The following LIMS1 variants were observed in gnomAD, a reference collection of about 807,000 sequenced individuals.
LIMS1 encodes the protein LIM zinc finger domain containing 1.
LIMS1 carries 18 observed loss-of-function variants against 44.1 expected under a neutral mutation model. That is an observed-to-expected ratio of 0.41 (90% CI 0.28 to 0.61). The LOEUF is 0.61. Ranked by LOEUF, LIMS1 falls within the 20% of genes least tolerant of loss-of-function variation. LIMS1 has a pLI of 0.32. For synonymous variants in LIMS1, 93 were observed against 149.1 expected (o/e 0.62, Z 2.74); for missense variants, 201 against 422.0 (o/e 0.48, Z 4.59).
At chr2:108,552,264 G>A (rs961346305) in intron 1 of LIMS1, among the ~76,000 whole-genome samples, 8 of 132,782 alleles carry the variant, frequency 6.0e-5, no homozygotes, top group South Asian at 2.3e-4. Flanking sequence ...TATACTACAC[G>A]TATAGTATAT....
intron 1 of LIMS1, among the ~76,000 whole-genome samples, chr2:108,611,909 A>G (rs1019975441): frequency 2.1e-4 from 31 of 145,302 alleles, no homozygotes; most frequent in Admixed American, 1.0e-3. Flanking sequence ...TATAAAATAT[A>G]CACACATATA....
intron 1 of LIMS1, among the ~76,000 whole-genome samples, chr2:108,586,912 T>A (rs192173268): frequency 1.2e-4 from 19 of 152,324 alleles, no homozygotes; most frequent in Admixed American, 3.3e-4. Flanking sequence ...CCAGCTTCCA[T>A]CTGCCTTCCA....
chr2:108,635,812 T>C (rs1689209225), intron 1 of LIMS1, among the ~76,000 whole-genome samples: 1 of 152,218 alleles, frequency 6.6e-6, no homozygotes. Context: ...TAGTTTTGAA[T>C]GTAAATACAG....
chr2:108,607,326 A>G, intron 1 of LIMS1: 1 of 1,407,466 alleles, frequency 7.1e-7, no homozygotes, highest in Non-Finnish European at 9.8e-7. Context: ...AATTGAGCAC[A>G]CCAGTTGTCT....
intron 2 of LIMS1, among the ~76,000 whole-genome samples, chr2:108,667,199 G>A (rs1266665422): frequency 6.6e-6 from 1 of 152,114 alleles, no homozygotes; most frequent in Non-Finnish European, 1.5e-5. Context: ...CATATACAAA[G>A]ACATCACTTT....
At chr2:108,546,693 T>TA (rs397769966) in intron 1 of LIMS1, among the ~76,000 whole-genome samples, 3 of 150,556 alleles carry the variant, frequency 2.0e-5, no homozygotes, top group African/African-American at 7.3e-5. Flanking sequence ...TTTTTTTTTT[T>TA]AAAGACAATG....
chr2:108,562,707 G>T (rs1048128670), intron 1 of LIMS1, among the ~76,000 whole-genome samples: 1 of 152,240 alleles, frequency 6.6e-6, no homozygotes, highest in Non-Finnish European at 1.5e-5. Context: ...AGCAGGTGCT[G>T]ATGTAGAAGG....
At chr2:108,558,810 A>G (rs1685016257) in intron 1 of LIMS1, among the ~76,000 whole-genome samples, 1 of 151,476 alleles carries the variant, frequency 6.6e-6, no homozygotes. Flanking sequence ...AGCTGGGCCT[A>G]CAGTTGTATG....
intron 1 of LIMS1, among the ~76,000 whole-genome samples, chr2:108,548,830 A>G (rs1684578393): frequency 6.6e-6 from 1 of 152,190 alleles, no homozygotes; most frequent in African/African-American, 2.4e-5. Flanking sequence ...GATATAAGGC[A>G]TGGGAACTCT....
intron 8 of LIMS1, among the ~76,000 whole-genome samples, chr2:108,679,055 A>G (rs1692764719): frequency 6.6e-6 from 1 of 152,216 alleles, no homozygotes; most frequent in Admixed American, 6.5e-5. Flanking sequence ...CCGTGGATTC[A>G]ACCAACTATG....
At chr2:108,674,413 G>A (rs1357082809) in intron 5 of LIMS1, among the ~76,000 whole-genome samples, 1 of 151,910 alleles carries the variant, frequency 6.6e-6, no homozygotes, top group Non-Finnish European at 1.5e-5. Context: ...AGAAGAAACA[G>A]TAAGCCAAAT....
At chr2:108,550,247 G>A (rs1430731324) in intron 1 of LIMS1, among the ~76,000 whole-genome samples, 1 of 152,036 alleles carries the variant, frequency 6.6e-6, no homozygotes, top group Non-Finnish European at 1.5e-5. Context: ...TGTAATCCCA[G>A]CACTTTGGGA....
chr2:108,536,420 A>T (rs140641799), intron 1 of LIMS1, among the ~76,000 whole-genome samples: 3 of 152,352 alleles, frequency 2.0e-5, no homozygotes, highest in African/African-American at 7.2e-5. Flanking sequence ...GTGGAATCAT[A>T]CGCTATTTGT....
At chr2:108,552,837 C>T (rs1294806417) in intron 1 of LIMS1, among the ~76,000 whole-genome samples, 1 of 151,994 alleles carries the variant, frequency 6.6e-6, no homozygotes, top group Admixed American at 6.6e-5. Flanking sequence ...CTTGGCCTCC[C>T]AAAGTGCTGG....
chr2:108,563,139 G>A (rs780532291), intron 1 of LIMS1, among the ~76,000 whole-genome samples: 6 of 152,200 alleles, frequency 3.9e-5, no homozygotes, highest in Non-Finnish European at 7.3e-5. Flanking sequence ...ATTGTTCATT[G>A]ACAATGCATC....
At chr2:108,537,822 T>C (rs554257925) in intron 1 of LIMS1, among the ~76,000 whole-genome samples, 2 of 152,306 alleles carry the variant, frequency 1.3e-5, no homozygotes, top group Middle Eastern at 6.8e-3. Flanking sequence ...CAAGTAGGCT[T>C]TCCTTTCCTC....
chr2:108,658,838 TG>T (rs1691110155), intron 1 of LIMS1, among the ~76,000 whole-genome samples: 2 of 152,310 alleles, frequency 1.3e-5, no homozygotes, highest in Admixed American at 1.3e-4. Context: ...TTGAAATTCG[TG>T]GTGTAATCTG....
At chr2:108,578,716 C>A (rs1685770040) in intron 1 of LIMS1, among the ~76,000 whole-genome samples, 1 of 151,130 alleles carries the variant, frequency 6.6e-6, no homozygotes, top group Non-Finnish European at 1.5e-5. Context: ...GCCTCAGCCT[C>A]CCAAGTAGCT....
At chr2:108,681,653 G>C (rs745318039) in intron 9 of LIMS1, 13 of 909,400 alleles carry the variant, frequency 1.4e-5, no homozygotes, top group Non-Finnish European at 1.7e-5. Context: ...AGGCATGGTG[G>C]CTCACGCCTG....
Sources: allele counts gnomAD v4.1 joint callset (sites outside exome capture counted in the v4.1 genomes callset), GRCh38; gene constraint gnomAD v4.1.1; transcripts MANE v1.5; gene names NCBI Gene and HGNC (gene_info 2026-07-23, HGNC 2026-07-21).